EDA: variants seen among roughly 807,000 people sequenced by gnomAD.
EDA encodes ectodysplasin A.
EDA carries 2 observed loss-of-function variants against 23.6 expected under a neutral mutation model. The ratio of observed to expected loss-of-function variants is 0.08; its 90% CI spans 0.03 to 0.27. The LOEUF is 0.27. EDA is among the 10% of genes least tolerant of loss of function. EDA has a pLI of 1.00. For missense variants in EDA, 229 were observed against 324.2 expected (o/e 0.71, Z 2.26); for synonymous variants, 131 against 132.0 (o/e 0.99, Z 0.05).
chrX:69,682,606 T>G (rs1934408136), intron 1 of EDA, among the ~76,000 whole-genome samples: 1 of 111,966 alleles, frequency 8.9e-6, no homozygotes, highest in African/African-American at 3.2e-5. Flanking sequence ...TGTCACTCCT[T>G]TCTTTGACTA....
intron 1 of EDA, among the ~76,000 whole-genome samples, chrX:69,914,062 T>C (rs941098085): frequency 8.9e-6 from 1 of 112,273 alleles, no homozygotes; most frequent in African/African-American, 3.2e-5. Flanking sequence ...ATCATAATTA[T>C]GAAAACTTTT....
At chrX:69,903,719 A>G (rs1486147665) in intron 1 of EDA, among the ~76,000 whole-genome samples, 1 of 110,561 alleles carries the variant, frequency 9.0e-6, no homozygotes. Context: ...TATTTTAAAA[A>G]TTATTAAATT....
At chrX:69,915,777 A>G (rs5936519) in intron 1 of EDA, among the ~76,000 whole-genome samples, 26 of 111,157 alleles carry the variant, frequency 2.3e-4, no homozygotes, top group Non-Finnish European at 3.4e-4. Flanking sequence ...GCAATAAAAA[A>G]TAAAAACTAA....
chrX:69,787,455 C>G (rs1387657407), intron 1 of EDA, among the ~76,000 whole-genome samples: 2 of 104,869 alleles, frequency 1.9e-5, no homozygotes, highest in Admixed American at 2.1e-4. Flanking sequence ...ATGTTTAGCA[C>G]TTCCTTCAGT....
chrX:69,643,594 C>T (rs1048838194), intron 1 of EDA, among the ~76,000 whole-genome samples: 2 of 111,382 alleles, frequency 1.8e-5, no homozygotes, highest in Admixed American at 9.6e-5. Flanking sequence ...TTTGCCATGC[C>T]GAAGCTCTTC....
intron 1 of EDA, among the ~76,000 whole-genome samples, chrX:69,835,677 G>A (rs926463944): frequency 1.8e-5 from 2 of 111,384 alleles, no homozygotes; most frequent in Non-Finnish European, 3.8e-5. Flanking sequence ...TTAGCTTGGA[G>A]AAATTTGTTA....
intron 1 of EDA, among the ~76,000 whole-genome samples, chrX:69,857,336 C>T (rs1166604200): frequency 8.9e-6 from 1 of 111,800 alleles, no homozygotes; most frequent in Non-Finnish European, 1.9e-5. Flanking sequence ...CTTAGTGTTG[C>T]TTTGGCTATG....
intron 1 of EDA, among the ~76,000 whole-genome samples, chrX:69,785,086 C>A (rs1347754140): frequency 9.6e-6 from 1 of 104,367 alleles, no homozygotes; most frequent in Admixed American, 1.0e-4. Context: ...TGATTTGGCT[C>A]TCTGTTTGTC....
intron 1 of EDA, among the ~76,000 whole-genome samples, chrX:69,688,019 A>C (rs893650780): frequency 2.7e-5 from 3 of 111,675 alleles, no homozygotes; most frequent in African/African-American, 9.8e-5. Flanking sequence ...CAAAATGAGA[A>C]TACTTTCACG....
intron 1 of EDA, among the ~76,000 whole-genome samples, chrX:69,794,614 G>C (rs1602416494): frequency 8.9e-6 from 1 of 112,295 alleles, no homozygotes; most frequent in African/African-American, 3.2e-5. Flanking sequence ...ACAATGTTTT[G>C]GAGGACTAGA....
intron 1 of EDA, among the ~76,000 whole-genome samples, chrX:69,696,187 G>A (rs914074231): frequency 9.2e-5 from 10 of 108,372 alleles, no homozygotes; most frequent in Non-Finnish European, 1.9e-5. Flanking sequence ...TTCAGTGAGT[G>A]AAGATCGCAC....
chrX:70,026,728 A>G (rs1210233491), intron 3 of EDA, among the ~76,000 whole-genome samples: 1 of 111,356 alleles, frequency 9.0e-6, no homozygotes, highest in Non-Finnish European at 1.9e-5. Context: ...TTCCTTTCCC[A>G]GAGATCTTTT....
At chrX:69,880,524 G>A (rs964792402) in intron 1 of EDA, among the ~76,000 whole-genome samples, 4 of 112,280 alleles carry the variant, frequency 3.6e-5, no homozygotes, top group African/African-American at 9.7e-5. Flanking sequence ...CATATTGCCA[G>A]TAGTGGACAA....
chrX:69,722,941 T>C (rs1224551903), intron 1 of EDA, among the ~76,000 whole-genome samples: 1 of 112,228 alleles, frequency 8.9e-6, no homozygotes, highest in Non-Finnish European at 1.9e-5. Context: ...ATAGAGTAAA[T>C]TAAATGCCAT....
intron 1 of EDA, among the ~76,000 whole-genome samples, chrX:69,823,622 G>A (rs1344614324): frequency 2.8e-4 from 25 of 88,668 alleles, no homozygotes; most frequent in Non-Finnish European, 3.7e-4. Flanking sequence ...AGTAGGTTGC[G>A]AAAATTTTCT....
intron 1 of EDA, among the ~76,000 whole-genome samples, chrX:69,888,978 T>TGATA (rs1556026049): frequency 6.2e-5 from 1 of 16,030 alleles, no homozygotes; most frequent in Non-Finnish European, 1.0e-4. Context: ...TGTGGGGTAG[T>TGATA]TATATATATA....
In EDA at chrX:69,853,173, C is replaced by T. The variant is rs181070564; in HGVS notation, c.397-103854C>T. Among the ~76,000 whole-genome samples, 476 of 111,048 alleles carry T rather than the reference C, an allele frequency of 4.3e-3. 1 individual carries two copies. Among genetic ancestry groups the T allele is most frequent in the African/African-American group, 0.014 (438 of 30,644 alleles). ...CATAATATAGTTAAATAAAAGAAGG[C>T]CCTGAGGTATGATGAAGGTATAGGA... On this transcript the variant is annotated intron_variant, in intron 1 of 7. Transcript: ENST00000374552.
intron 1 of EDA, among the ~76,000 whole-genome samples, chrX:69,939,973 G>A (rs982507032): frequency 6.3e-5 from 7 of 111,370 alleles, no homozygotes; most frequent in Admixed American, 9.5e-5. Flanking sequence ...TTAATGTGTC[G>A]TTGAATTCAG....
chrX:69,962,559 G>A (rs2019116935), intron 2 of EDA, among the ~76,000 whole-genome samples: 1 of 111,343 alleles, frequency 9.0e-6, no homozygotes, highest in Non-Finnish European at 1.9e-5. Context: ...AGCCTCCCAA[G>A]TAGCTGGGAT....
Sources: gnomAD v4.1 joint callset for allele counts (sites outside exome capture counted in the v4.1 genomes callset) on GRCh38, gnomAD v4.1.1 for gene constraint, MANE v1.5 for transcripts, NCBI Gene and HGNC (gene_info 2026-07-23, HGNC 2026-07-21) for gene names.